Variants in CADM2 observed in about 807,000 individuals in gnomAD.
CADM2 encodes immunoglobulin superfamily member 4D.
CADM2 carries 12 observed loss-of-function variants against 49.8 expected under a neutral mutation model. The observed-to-expected ratio is 0.24, with a 90% CI of 0.15 to 0.39. The LOEUF is 0.39. CADM2 is among the 10% of genes least tolerant of loss of function. CADM2 has a pLI of 1.00. For missense variants in CADM2, 378 were observed against 492.3 expected (o/e 0.77, Z 2.20); for synonymous variants, 214 against 175.4 (o/e 1.22, Z -1.74).
At chr3:85,008,560 G>GA (rs1317591641) in intron 1 of CADM2, among the ~76,000 whole-genome samples, 2 of 151,730 alleles carry the variant, frequency 1.3e-5, no homozygotes, top group East Asian at 3.9e-4. Flanking sequence ...AAAAGTGAGG[G>GA]AAAAAATATA....
chr3:85,515,560 T>C (rs1965218), intron 1 of CADM2, among the ~76,000 whole-genome samples: 124,646 of 144,422 alleles, frequency 0.86, 53,791 homozygotes, highest in East Asian at 0.95. Flanking sequence ...GTAGCTGGGA[T>C]TACAGGAGAG....
chr3:85,970,714 G>A (rs1207594958), intron 8 of CADM2, among the ~76,000 whole-genome samples: 2 of 151,398 alleles, frequency 1.3e-5, no homozygotes, highest in Non-Finnish European at 3.0e-5. Flanking sequence ...AATTAGTGCC[G>A]TGTGCATAGT....
chr3:85,424,114 G>T (rs865902078), intron 1 of CADM2, among the ~76,000 whole-genome samples: 1 of 151,988 alleles, frequency 6.6e-6, no homozygotes, highest in South Asian at 2.1e-4. Context: ...AACACTACTG[G>T]AGAGATTTTT....
intron 1 of CADM2, among the ~76,000 whole-genome samples, chr3:85,676,678 G>A (rs959397108): frequency 6.6e-6 from 1 of 151,330 alleles, no homozygotes; most frequent in African/African-American, 2.4e-5. Context: ...ACTTATTATA[G>A]CCTATTCATT....
chr3:85,322,996 G>C (rs1348684394), intron 1 of CADM2, among the ~76,000 whole-genome samples: 2 of 152,168 alleles, frequency 1.3e-5, no homozygotes, highest in African/African-American at 4.8e-5. Flanking sequence ...TTTTGCCTCT[G>C]TCTGAGTTTG....
chr3:84,999,734 C>T (rs576315857), intron 1 of CADM2, among the ~76,000 whole-genome samples: 10 of 152,202 alleles, frequency 6.6e-5, no homozygotes, highest in Non-Finnish European at 1.2e-4. Flanking sequence ...GAAAGCACTG[C>T]AAGTATTGGC....
At chr3:86,047,394 A>G (rs2107297258) in intron 8 of CADM2, among the ~76,000 whole-genome samples, 1 of 152,280 alleles carries the variant, frequency 6.6e-6, no homozygotes. Context: ...TATCATATTT[A>G]TTTAATCTGA....
intron 1 of CADM2, among the ~76,000 whole-genome samples, chr3:85,331,283 A>G (rs537317050): frequency 6.6e-6 from 1 of 151,940 alleles, no homozygotes; most frequent in South Asian, 2.1e-4. Context: ...CCTAACTCCC[A>G]CTACCCTTCC....
intron 1 of CADM2, among the ~76,000 whole-genome samples, chr3:85,496,185 A>C (rs1382910476): frequency 6.6e-6 from 1 of 152,086 alleles, no homozygotes; most frequent in African/African-American, 2.4e-5. Context: ...GCACTTTTTC[A>C]GCTCTTTTCC....
In CADM2 at chr3:85,276,769, A is replaced by G. The variant is rs541606114; in HGVS notation, c.61+317101A>G. ...ATAAGAAGAAGAAATAGCATTAATT[A>G]CACAGAAGAATGCACATGAAAAAGC... On this transcript the variant is annotated intron_variant, in intron 1 of 9. Coordinates refer to ENST00000383699, the MANE Select transcript of CADM2 (RefSeq NM_001167675.2). 2.2e-4 allele frequency among the ~76,000 whole-genome samples: 34 copies of G among 151,424 alleles called. 1 individual carries two copies. In the South Asian group the frequency reaches 6.8e-3, roughly 30 times the overall value.
chr3:85,539,539 C>A (rs1413534721), intron 1 of CADM2, among the ~76,000 whole-genome samples: 4 of 151,984 alleles, frequency 2.6e-5, no homozygotes, highest in African/African-American at 9.7e-5. Flanking sequence ...CTCTTTCATT[C>A]CAAATTTTCT....
At chr3:85,263,421 A>C (rs1262991819) in intron 1 of CADM2, among the ~76,000 whole-genome samples, 2 of 152,176 alleles carry the variant, frequency 1.3e-5, no homozygotes, top group East Asian at 3.9e-4. Flanking sequence ...GTATAGTACC[A>C]TACCAGGTGT....
At chr3:85,255,376 T>C (rs1323607608) in intron 1 of CADM2, among the ~76,000 whole-genome samples, 1 of 152,006 alleles carries the variant, frequency 6.6e-6, no homozygotes, top group African/African-American at 2.4e-5. Context: ...CAACAAGGCT[T>C]AGTTAGTGGA....
chr3:85,843,975 G>T (rs2074761539), intron 3 of CADM2, among the ~76,000 whole-genome samples: 1 of 152,046 alleles, frequency 6.6e-6, no homozygotes, highest in Admixed American at 6.6e-5. Flanking sequence ...AGTGCAGACT[G>T]TTTAAGAATT....
intron 8 of CADM2, chr3:86,012,575 C>A (rs562096025): frequency 3.2e-6 from 5 of 1,549,584 alleles, no homozygotes; most frequent in Non-Finnish European, 4.4e-6. Flanking sequence ...CGAACTTCTG[C>A]GCTGCCCCCA....
chr3:85,955,146 T>G (rs1723898851), intron 7 of CADM2, among the ~76,000 whole-genome samples: 1 of 151,360 alleles, frequency 6.6e-6, no homozygotes, highest in Non-Finnish European at 1.5e-5. Context: ...TCATTTTTCT[T>G]AAGATAGAAC....
chr3:85,435,159 T>C (rs965535207), intron 1 of CADM2, among the ~76,000 whole-genome samples: 4 of 152,070 alleles, frequency 2.6e-5, no homozygotes, highest in Admixed American at 6.6e-5. Flanking sequence ...CCTAATGCTA[T>C]CCCTCCCCTA....
At position 85,236,862 on chromosome 3, in the gene CADM2, A is replaced by G. The variant is rs539221562; in HGVS notation, c.61+277194A>G. ...AGGAAGGGCTGTAGTAACAGAAAGG[A>G]CAGACAATTTCTTGTCTTAGGAGGT... On this transcript the variant is annotated intron_variant, in intron 1 of 9. Coordinates refer to ENST00000383699, the MANE Select transcript of CADM2 (RefSeq NM_001167675.2). Among the ~76,000 whole-genome samples, 18 of 152,198 alleles carry G rather than the reference A, an allele frequency of 1.2e-4. No individual in the cohort carries two copies. The East Asian group carries it at 1.7e-3, about 15-fold the overall frequency.
intron 1 of CADM2, among the ~76,000 whole-genome samples, chr3:85,175,246 A>G (rs2040747776): frequency 6.6e-6 from 1 of 152,190 alleles, no homozygotes; most frequent in Admixed American, 6.5e-5. Context: ...ACATTACCAT[A>G]TGATCCAGCA....
Sources: gnomAD v4.1 joint callset for allele counts (sites outside exome capture counted in the v4.1 genomes callset) on GRCh38, gnomAD v4.1.1 for gene constraint, MANE v1.5 for transcripts, NCBI Gene and HGNC (gene_info 2026-07-23, HGNC 2026-07-21) for gene names.